NKAIN2: variants seen among roughly 807,000 people sequenced by gnomAD.
NKAIN2 encodes sodium/potassium transporting ATPase interacting 2, also known as sodium/potassium-transporting ATPase subunit beta-1-interacting protein 2.
In NKAIN2, 14 loss-of-function variants were observed where a neutral mutation model predicts 32.6. That is an observed-to-expected ratio of 0.43 (90% CI 0.28 to 0.67). The LOEUF (loss-of-function observed/expected upper bound fraction) is 0.67. NKAIN2 is among the 30% of genes least tolerant of loss of function. The pLI, the probability that NKAIN2 is intolerant of heterozygous loss-of-function variation, is 0.17. For missense variants in NKAIN2, 198 were observed against 258.3 expected (o/e 0.77, Z 1.60); for synonymous variants, 80 against 87.2 (o/e 0.92, Z 0.46).
intron 4 of NKAIN2, among the ~76,000 whole-genome samples, chr6:124,710,358 G>A (rs1031505276): frequency 1.3e-5 from 2 of 151,964 alleles, no homozygotes; most frequent in African/African-American, 4.8e-5. Context: ...TCTTGGTGCA[G>A]AGCTGAGTTC....
intron 1 of NKAIN2, among the ~76,000 whole-genome samples, chr6:124,213,750 G>T (rs1479618605): frequency 1.3e-5 from 2 of 152,028 alleles, no homozygotes; most frequent in East Asian, 3.9e-4. Flanking sequence ...AATCCATATA[G>T]TGATTTAATT....
intron 3 of NKAIN2, among the ~76,000 whole-genome samples, chr6:124,598,840 G>A (rs1782197544): frequency 6.6e-6 from 1 of 151,928 alleles, no homozygotes; most frequent in South Asian, 2.1e-4. Flanking sequence ...ATTTGTACTT[G>A]GCCTCCTTTT....
chr6:124,431,677 A>G (rs1004077703), intron 3 of NKAIN2, among the ~76,000 whole-genome samples: 3 of 152,172 alleles, frequency 2.0e-5, no homozygotes, highest in African/African-American at 4.8e-5. Flanking sequence ...ATTTAAACCA[A>G]TGATTTAATT....
At chr6:124,708,680 A>C (rs1312978046) in intron 4 of NKAIN2, among the ~76,000 whole-genome samples, 6 of 152,168 alleles carry the variant, frequency 3.9e-5, no homozygotes, top group Admixed American at 2.6e-4. Context: ...ATTTTTGTAC[A>C]TTGATTTTGT....
intron 4 of NKAIN2, among the ~76,000 whole-genome samples, chr6:124,782,680 T>G (rs927849222): frequency 6.6e-6 from 1 of 152,142 alleles, no homozygotes; most frequent in African/African-American, 2.4e-5. Flanking sequence ...CCCTATTATC[T>G]CTGATCAAAA....
intron 1 of NKAIN2, among the ~76,000 whole-genome samples, chr6:123,940,667 A>G (rs1416925550): frequency 6.6e-6 from 1 of 152,054 alleles, no homozygotes; most frequent in African/African-American, 2.4e-5. Flanking sequence ...AAAATGTGAT[A>G]TAAAAGATTT....
intron 2 of NKAIN2, among the ~76,000 whole-genome samples, chr6:124,325,914 A>C (rs1562491455): frequency 6.6e-6 from 1 of 152,078 alleles, no homozygotes; most frequent in Non-Finnish European, 1.5e-5. Context: ...TTTTTATTTT[A>C]TTTTGATGAT....
chr6:124,205,657 A>G (rs1282019853), intron 1 of NKAIN2, among the ~76,000 whole-genome samples: 3 of 151,562 alleles, frequency 2.0e-5, no homozygotes, highest in Non-Finnish European at 3.0e-5. Flanking sequence ...GACTCTTCTA[A>G]AGATATTCAC....
At chr6:124,516,244 G>A (rs2114785100) in intron 3 of NKAIN2, among the ~76,000 whole-genome samples, 1 of 152,148 alleles carries the variant, frequency 6.6e-6, no homozygotes, top group Middle Eastern at 3.4e-3. Flanking sequence ...GATAGTGCAG[G>A]GCTAGGGAAT....
At chr6:124,705,005 C>T (rs1320312301) in intron 4 of NKAIN2, among the ~76,000 whole-genome samples, 2 of 151,956 alleles carry the variant, frequency 1.3e-5, no homozygotes, top group African/African-American at 2.4e-5. Context: ...TACAAATCTA[C>T]CCTCTTTTCT....
chr6:123,826,548 C>T (rs2114902195), intron 1 of NKAIN2, among the ~76,000 whole-genome samples: 1 of 152,204 alleles, frequency 6.6e-6, no homozygotes, highest in South Asian at 2.1e-4. Flanking sequence ...TGGCACTACC[C>T]TTCTGCTTCT....
At chr6:124,258,129 T>C (rs533328614) in intron 1 of NKAIN2, among the ~76,000 whole-genome samples, 17 of 135,776 alleles carry the variant, frequency 1.3e-4, no homozygotes, top group African/African-American at 5.6e-4. Flanking sequence ...ATTGTTTTAC[T>C]CTTTTTCAAG....
chr6:124,632,849 C>G (rs925011272), intron 3 of NKAIN2, among the ~76,000 whole-genome samples: 1 of 152,148 alleles, frequency 6.6e-6, no homozygotes, highest in African/African-American at 2.4e-5. Context: ...GAATAAAGTA[C>G]AACTAAAATA....
At chr6:124,068,392 A>G (rs550972548) in intron 1 of NKAIN2, among the ~76,000 whole-genome samples, 118 of 152,174 alleles carry the variant, frequency 7.8e-4, no homozygotes, top group Admixed American at 1.3e-3. Context: ...GCCAATGATT[A>G]TATGACTTTT....
chr6:124,091,906 C>T (rs1350896316), intron 1 of NKAIN2, among the ~76,000 whole-genome samples: 4 of 152,008 alleles, frequency 2.6e-5, no homozygotes, highest in Non-Finnish European at 2.9e-5. Flanking sequence ...CTGGGACTTT[C>T]GGCTTCAGTC....
At chr6:123,928,790 C>T (rs2114514012) in intron 1 of NKAIN2, among the ~76,000 whole-genome samples, 1 of 152,174 alleles carries the variant, frequency 6.6e-6, no homozygotes, top group Middle Eastern at 3.4e-3. Flanking sequence ...CATGTGTGCC[C>T]AGAGTCATGG....
chr6:124,038,851 C>T (rs1460129660), intron 1 of NKAIN2, among the ~76,000 whole-genome samples: 2 of 152,098 alleles, frequency 1.3e-5, no homozygotes, highest in Non-Finnish European at 2.9e-5. Flanking sequence ...AGCAATTTCA[C>T]AGAACAGTTC....
chr6:124,404,074 G>A (rs1233398737), intron 3 of NKAIN2, among the ~76,000 whole-genome samples: 3 of 151,976 alleles, frequency 2.0e-5, no homozygotes, highest in Non-Finnish European at 2.9e-5. Context: ...TAATATATAT[G>A]AGATATGTAT....
At chr6:124,678,754 C>T (rs1773476637) in intron 4 of NKAIN2, among the ~76,000 whole-genome samples, 1 of 152,090 alleles carries the variant, frequency 6.6e-6, no homozygotes, top group Non-Finnish European at 1.5e-5. Context: ...TTCCCTGTTT[C>T]TTCATGTGCC....
Sources: gnomAD v4.1 joint callset for allele counts (sites outside exome capture counted in the v4.1 genomes callset) on GRCh38, gnomAD v4.1.1 for gene constraint, MANE v1.5 for transcripts, NCBI Gene and HGNC (gene_info 2026-07-23, HGNC 2026-07-21) for gene names.